UBE2O: variants seen among roughly 807,000 people sequenced by gnomAD.
The protein encoded by UBE2O is ubiquitin conjugating enzyme E2 O.
A neutral mutation model predicts 125.8 loss-of-function variants in UBE2O; 15 were observed. The ratio of observed to expected loss-of-function variants is 0.12; its 90% CI spans 0.08 to 0.18. The LOEUF is 0.18. Ranked by LOEUF, UBE2O falls within the 10% of genes least tolerant of loss-of-function variation. The probability of loss-of-function intolerance (pLI) is 1.00; values close to 1 mark genes in which losing one functional copy is unlikely to be tolerated. For missense variants in UBE2O, 1,280 were observed against 1,723.6 expected (o/e 0.74, Z 4.56); for synonymous variants, 708 against 703.2 (o/e 1.01, Z -0.11).
At chr17:76,409,265 G>A (rs1456518560) in intron 1 of UBE2O, among the ~76,000 whole-genome samples, 2 of 152,140 alleles carry the variant, frequency 1.3e-5, no homozygotes, top group Non-Finnish European at 2.9e-5. Flanking sequence ...ACCGCGCCCA[G>A]CCTATTGTCT....
At chr17:76,425,982 T>C (rs1168933139) in intron 1 of UBE2O, among the ~76,000 whole-genome samples, 1 of 152,060 alleles carries the variant, frequency 6.6e-6, no homozygotes, top group Non-Finnish European at 1.5e-5. Context: ...CCACAAGAGG[T>C]TCACAGGAGG....
At chr17:76,412,439 A>G (rs2072532795) in intron 1 of UBE2O, among the ~76,000 whole-genome samples, 1 of 151,952 alleles carries the variant, frequency 6.6e-6, no homozygotes, top group Non-Finnish European at 1.5e-5. Flanking sequence ...TCTGAGTCCT[A>G]GGTGTATAGA....
intron 1 of UBE2O, among the ~76,000 whole-genome samples, chr17:76,406,690 T>TTG (rs1348022149): frequency 7.8e-6 from 1 of 128,966 alleles, no homozygotes; most frequent in African/African-American, 3.3e-5. Flanking sequence ...TGAGCCCAAG[T>TTG]TGTTTTTTTT....
intron 1 of UBE2O, among the ~76,000 whole-genome samples, chr17:76,446,473 AC>A (rs927889765): frequency 7.3e-5 from 11 of 149,950 alleles, no homozygotes; most frequent in South Asian, 2.1e-4. Flanking sequence ...AAAAAAAAAA[AC>A]CAAACAAACA....
Position 76,405,433 on chromosome 17 carries a change from CAG to C in UBE2O, c.477+78_477+79del, listed in dbSNP as rs1312988900. 6.6e-7 allele frequency: 1 copy of C among 1,519,048 alleles called. No individual in the cohort carries two copies. The highest frequency in any genetic ancestry group is 9.0e-7 in the Non-Finnish European group (1 of 1,112,222). 94.1% of individuals were successfully genotyped at this position (1,519,048 alleles called of 1,614,324 possible). ...CAGAGCTGGCCAGTTCTCCCACATGCAGAGTGCGAGGTGGGCAGGCTCAAGTC... is the reference window on the plus strand; with the variant it reads ...CAGAGCTGGCCAGTTCTCCCACATGCAGTGCGAGGTGGGCAGGCTCAAGTC... On this transcript the variant is annotated intron_variant, in intron 2 of 17. Transcript: ENST00000319380. The surrounding 1 kb of genome is among the most constrained non-coding windows in gnomAD (Gnocchi z 6.1).
chr17:76,442,535 A>G (rs183778664), intron 1 of UBE2O, among the ~76,000 whole-genome samples: 132 of 152,336 alleles, frequency 8.7e-4, no homozygotes, highest in African/African-American at 3.1e-3. Context: ...GATAGCACAC[A>G]AGCTTTAGGA....
chr17:76,453,016 C>G lies in UBE2O; in HGVS notation c.126G>C (p.Ser42=). The part of the protein sequence containing the change: ...PVPAPAPASD[S]ASGPSSDSGP... ...CGGAGTCCGAGGACGGCCCGGAGGCCGAGTCCGAGGCGGGCGCCGGCGCCG... is the reference window on the plus strand; with the variant it reads ...CGGAGTCCGAGGACGGCCCGGAGGCGGAGTCCGAGGCGGGCGCCGGCGCCG... Residue 42 remains serine (S), a synonymous_variant, in exon 1 of 18, where the codon TCG becomes TCC. Coordinates refer to ENST00000319380, the MANE Select transcript of UBE2O (RefSeq NM_022066.4). The G allele has an allele frequency of 2.0e-6, 3 of 1,463,910 alleles. No individual in the cohort carries two copies. The highest frequency in any genetic ancestry group is 2.7e-6 in the Non-Finnish European group (3 of 1,108,030). The allele number at this position is 1,463,910 out of a possible 1,614,324, so 90.7% of individuals were successfully genotyped here.
intron 1 of UBE2O, chr17:76,430,582 C>A: frequency 7.1e-6 from 2 of 282,366 alleles, no homozygotes; most frequent in South Asian, 3.3e-5. Flanking sequence ...CAGATGATGC[C>A]ATATTGACCA....
intron 1 of UBE2O, among the ~76,000 whole-genome samples, chr17:76,413,202 G>A (rs1054779654): frequency 3.3e-5 from 5 of 152,174 alleles, no homozygotes; most frequent in South Asian, 2.1e-4. Context: ...AGAATCTGAC[G>A]TAGGGATGGG....
intron 1 of UBE2O, among the ~76,000 whole-genome samples, chr17:76,437,915 G>C (rs1567854041): frequency 6.6e-6 from 1 of 152,188 alleles, no homozygotes; most frequent in Non-Finnish European, 1.5e-5. Flanking sequence ...AAAGGAAGAT[G>C]GGGGACAGGC....
At chr17:76,403,703 A>G (rs192297454) in intron 3 of UBE2O, among the ~76,000 whole-genome samples, 2 of 152,350 alleles carry the variant, frequency 1.3e-5, no homozygotes, top group East Asian at 3.9e-4. Context: ...TAGCACACCT[A>G]GCATCCAGAT....
chr17:76,447,449 G>T (rs924767399), intron 1 of UBE2O, among the ~76,000 whole-genome samples: 1 of 152,120 alleles, frequency 6.6e-6, no homozygotes, highest in African/African-American at 2.4e-5. Flanking sequence ...CCTGGATCAT[G>T]ACTGCTCTTA....
At chr17:76,416,061 G>A (rs762346403) in intron 1 of UBE2O, among the ~76,000 whole-genome samples, 22 of 151,318 alleles carry the variant, frequency 1.5e-4, no homozygotes, top group Middle Eastern at 3.2e-3. Flanking sequence ...GTACATACAC[G>A]TATATACGTA....
At chr17:76,426,320 CTACTT>C (rs1567848867) in intron 1 of UBE2O, among the ~76,000 whole-genome samples, 3 of 152,148 alleles carry the variant, frequency 2.0e-5, no homozygotes, top group Non-Finnish European at 4.4e-5. Flanking sequence ...TTTTTCTACT[CTACTT>C]GACGTAGTTG....
Position 76,405,245 on chromosome 17 carries a change from G to C in UBE2O, c.549C>G (p.Ile183Met), listed in dbSNP as rs1454516733. The change falls in exon 3 of 18, where the codon ATC (isoleucine) becomes ATG (methionine). Residue 183 changes from isoleucine (I) to methionine (M), a missense_variant. Ile to Met is a conservative substitution (Grantham distance 10, BLOSUM62 1). Around this residue, in one of 10 missense-constraint regions of UBE2O, gnomAD observed 206 missense variants for 315.7 expected, o/e 0.65. Coordinates refer to ENST00000319380, the MANE Select transcript of UBE2O (RefSeq NM_022066.4). This position sits in a 1 kb window ranked among gnomAD's most constrained non-coding sequence, Gnocchi z 6.1. ...GGTCCTTGCTGTTGACGGGATAGAT[G>C]ATGCAGTTGGTGCCGATGAGCTTGA... Reference protein sequence around the residue: ...CAVKLIGTNCIIYPVNSKDLQ... With the variant: ...CAVKLIGTNCMIYPVNSKDLQ... 1 of 1,613,262 alleles carries C rather than the reference G, an allele frequency of 6.2e-7. No homozygotes were observed. Among genetic ancestry groups the C allele is most frequent in the African/African-American group, 1.3e-5 (1 of 74,924 alleles).
chr17:76,399,664 G>C lies in UBE2O; in HGVS notation c.1413C>G (p.Asp471Glu). The change falls in exon 9 of 18, where the codon GAC becomes GAG. Residue 471 changes from aspartate to glutamate, a missense_variant. Asp to Glu is a conservative substitution (Grantham distance 45). Transcript: ENST00000319380. This position sits in a 1 kb window ranked among gnomAD's most constrained non-coding sequence, Gnocchi z 6.9. Reference protein sequence around the residue: ...PPFLLKEGRDDRLHSAEQDAD... With the variant: ...PPFLLKEGRDERLHSAEQDAD... The stretch of plus-strand genomic sequence containing the variant: ...CGTCCTGCTCTGCCGAGTGCAGCCT[G>C]TCATCTCTGCCTTCTTTTAGCAGGA... The C allele has an allele frequency of 6.2e-7, 1 of 1,614,192 alleles. No homozygotes were observed. Among genetic ancestry groups the C allele is most frequent in the Non-Finnish European group, 8.5e-7 (1 of 1,180,040 alleles).
intron 1 of UBE2O, among the ~76,000 whole-genome samples, chr17:76,413,448 CA>C (rs997491806): frequency 6.7e-6 from 1 of 148,828 alleles, no homozygotes; most frequent in Non-Finnish European, 1.5e-5. Flanking sequence ...CAACACTGGA[CA>C]AAAAAAAACC....
intron 5 of UBE2O, chr17:76,401,852 G>T (rs558430854): frequency 5.5e-5 from 22 of 397,752 alleles, no homozygotes; most frequent in Non-Finnish European, 8.0e-5. Flanking sequence ...CTCCAGCCTG[G>T]GCGACAGTGA....
intron 1 of UBE2O, among the ~76,000 whole-genome samples, chr17:76,426,228 G>A (rs891183883): frequency 4.0e-5 from 6 of 151,822 alleles, no homozygotes; most frequent in Admixed American, 1.3e-4. Context: ...GGTCTCGAAC[G>A]GGGCTCAAGC....
Sources: gnomAD v4.1 joint callset for allele counts (sites outside exome capture counted in the v4.1 genomes callset) on GRCh38, gnomAD v4.1.1 for gene constraint, gnomAD v4.1.1 regional missense constraint, Gnocchi (gnomAD v3.1) non-coding constraint, MANE v1.5 for transcripts, NCBI Gene and HGNC (gene_info 2026-07-23, HGNC 2026-07-21) for gene names.